STMP1: variants seen among roughly 807,000 people sequenced by gnomAD.
The protein encoded by STMP1 is mitolamban.
A neutral mutation model predicts 7.0 loss-of-function variants in STMP1; 7 were observed. That is an observed-to-expected ratio of 1.01 (90% CI 0.57 to 1.89). The LOEUF (loss-of-function observed/expected upper bound fraction) is 1.89. STMP1 is among the 40% of genes most tolerant of loss of function. The pLI is 0.00. For missense variants in STMP1, 45 were observed against 53.0 expected (o/e 0.85, Z 0.47); for synonymous variants, 19 against 18.4 (o/e 1.03, Z -0.08).
At chr7:135,672,340 A>G (rs1020001798) in intron 1 of STMP1, among the ~76,000 whole-genome samples, 1 of 152,264 alleles carries the variant, frequency 6.6e-6, no homozygotes, top group Non-Finnish European at 1.5e-5. Flanking sequence ...AACAATATCC[A>G]TAACCAAAAA....
intron 1 of STMP1, 60 bp downstream of exon 1, chr7:135,662,654 C>G: frequency 6.5e-7 from 1 of 1,531,228 alleles, no homozygotes; most frequent in East Asian, 2.6e-5. Context: ...GACCCCATTT[C>G]CCCCTTGAGG....
At chr7:135,664,569 A>G (rs921174674) in intron 1 of STMP1, among the ~76,000 whole-genome samples, 1 of 151,872 alleles carries the variant, frequency 6.6e-6, no homozygotes, top group Admixed American at 6.6e-5. Flanking sequence ...GGCCTCCCAC[A>G]GTGTTGGGAT....
chr7:135,664,556 C>G (rs1054813790), intron 1 of STMP1, among the ~76,000 whole-genome samples: 2 of 151,920 alleles, frequency 1.3e-5, no homozygotes. Context: ...CAGGTCTTGC[C>G]TAGGCCTCCC....
chr7:135,662,616 C>T (rs1188295244), intron 1 of STMP1, 22 bp downstream of exon 1: 2 of 1,545,444 alleles, frequency 1.3e-6, no homozygotes, highest in South Asian at 1.2e-5. Flanking sequence ...TGCCGAAGAG[C>T]GGGGCCCGCT....
At chr7:135,673,949 C>A in intron 2 of STMP1, 142 bp from the exon 3 acceptor site, 1 of 638,038 alleles carries the variant, frequency 1.6e-6, no homozygotes, top group Non-Finnish European at 2.7e-6. Flanking sequence ...AAAAAGAAAG[C>A]AAAAAGAAAT....
chr7:135,675,070 T>G lies in STMP1; in HGVS notation c.*905T>G, dbSNP rs1203702847. On this transcript the variant is annotated 3_prime_UTR_variant, in exon 3 of 3. Transcript: ENST00000507606. ...GAAGAATTTCTGCTTCTCTTTGTAG[T>G]TGATGCTTTGTTTTTTCCTGCAGTC... 2 of 152,202 alleles carry G rather than the reference T, an allele frequency of 1.3e-5. No individual in the cohort carries two copies. Among genetic ancestry groups the G allele is most frequent in the African/African-American group, 4.8e-5 (2 of 41,458 alleles). 9.4% of individuals were successfully genotyped at this position (152,202 alleles called of 1,614,324 possible). A position where few individuals can be genotyped will look rare whatever the true frequency, so the allele number is the denominator to read the frequency against.
chr7:135,673,307 A>G (rs1464089100), intron 2 of STMP1: 1 of 156,018 alleles, frequency 6.4e-6, no homozygotes, highest in African/African-American at 2.4e-5. Flanking sequence ...ACCTCACTTT[A>G]TAGGTGGTGA....
Position 135,674,323 on chromosome 7 carries a change from G to A in STMP1, c.*158G>A, listed in dbSNP as rs1282871733. 8.7e-6 allele frequency: 5 copies of A among 576,192 alleles called. No homozygotes were observed. Among genetic ancestry groups the A allele is most frequent in the South Asian group, 2.6e-5 (1 of 37,976 alleles). 35.7% of individuals were successfully genotyped at this position (576,192 alleles called of 1,614,324 possible). A position where few individuals can be genotyped will look rare whatever the true frequency, so the allele number is the denominator to read the frequency against. On this transcript the variant is annotated 3_prime_UTR_variant, in exon 3 of 3. Coordinates refer to ENST00000507606, the MANE Select transcript of STMP1 (RefSeq NM_001130929.2). ...TTTGCTTTAAAGCAAGCAAAATGGG[G>A]CCCCAATTTGAGAACTACCCGACAT...
In STMP1 at chr7:135,674,041, A is replaced by C. The variant is rs766218090; in HGVS notation, c.70-50A>C. The C allele has an allele frequency of 5.1e-6, 6 of 1,167,516 alleles. No individual in the cohort carries two copies. The South Asian group carries it at 8.4e-5, about 16-fold the overall frequency. The allele number at this position is 1,167,516 out of a possible 1,614,324, so 72.3% of individuals were successfully genotyped here. On this transcript the variant is annotated intron_variant, in intron 2 of 2. Transcript: ENST00000507606. ...TCTTTGGAGGAAGAGAAGTACAAGAATATTGATTAGGTAGATGCAAAATTA... is the reference window on the plus strand; with the variant it reads ...TCTTTGGAGGAAGAGAAGTACAAGACTATTGATTAGGTAGATGCAAAATTA...
chr7:135,665,787 G>A (rs189192878), intron 1 of STMP1: 102 of 152,140 alleles, frequency 6.7e-4, no homozygotes, highest in African/African-American at 2.4e-3. Context: ...TTCCTTAATC[G>A]TAAGGTTTAG....
intron 2 of STMP1, among the ~76,000 whole-genome samples, chr7:135,673,818 T>G (rs111891140): frequency 0.031 from 4,728 of 152,138 alleles, 253 homozygotes; most frequent in African/African-American, 0.1. Flanking sequence ...ATGTCCGTGG[T>G]CCCAACTACT....
intron 1 of STMP1, among the ~76,000 whole-genome samples, chr7:135,669,045 T>C (rs923681354): frequency 6.6e-6 from 1 of 152,230 alleles, no homozygotes; most frequent in African/African-American, 2.4e-5. Flanking sequence ...CTTACATGGA[T>C]GGCAGCAGAC....
intron 1 of STMP1, among the ~76,000 whole-genome samples, chr7:135,668,865 G>C (rs1439641223): frequency 1.3e-5 from 2 of 152,136 alleles, no homozygotes; most frequent in East Asian, 3.8e-4. Flanking sequence ...TCCACATTCA[G>C]TTTTCTTCGC....
rs140013141 is a variant in STMP1, at chr7:135,668,896, T to C, written c.16-3857T>C. ...TTCGCATTTCCTTTACCAGTTGTAT[T>C]AGTCCATTTTCACACTGCTGATAAA... On this transcript the variant is annotated intron_variant, in intron 1 of 2. Transcript: ENST00000507606. 1.0e-3 allele frequency among the ~76,000 whole-genome samples: 158 copies of C among 152,346 alleles called. 1 individual carries two copies. Among genetic ancestry groups the C allele is most frequent in the African/African-American group, 3.7e-3 (155 of 41,574 alleles).
chr7:135,664,226 T>C (rs1054461439), intron 1 of STMP1, among the ~76,000 whole-genome samples: 2 of 152,218 alleles, frequency 1.3e-5, no homozygotes, highest in African/African-American at 4.8e-5. Flanking sequence ...TTGAGCTGCT[T>C]ACTATATCTG....
At chr7:135,662,702 A>C in intron 1 of STMP1, 108 bp downstream of exon 1, 2 of 1,332,024 alleles carry the variant, frequency 1.5e-6, no homozygotes, top group South Asian at 2.9e-5. Context: ...GCGTGGGTCC[A>C]GCGGTCCCTT....
chr7:135,672,462 T>C (rs192828803), intron 1 of STMP1, among the ~76,000 whole-genome samples: 4 of 152,184 alleles, frequency 2.6e-5, no homozygotes, highest in African/African-American at 9.7e-5. Context: ...GAATTTAGGG[T>C]AGCTTTATAC....
In STMP1 at chr7:135,662,540, T is replaced by C; in HGVS notation, c.-40T>C. On this transcript the variant is annotated 5_prime_UTR_variant, in exon 1 of 3. Transcript: ENST00000507606. ...GGCTCGGACCGGCCCGCGGAGCTGC[T>C]GCAGTCCTTCGCGCCCTCCTCGCCC... 2 of 1,543,902 alleles carry C rather than the reference T, an allele frequency of 1.3e-6. No homozygotes were observed. The highest frequency in any genetic ancestry group is 1.7e-6 in the Non-Finnish European group (2 of 1,144,110).
At chr7:135,662,725 C>A in intron 1 of STMP1, 131 bp downstream of exon 1, 2 of 1,071,416 alleles carry the variant, frequency 1.9e-6, no homozygotes, top group Non-Finnish European at 1.3e-6. Flanking sequence ...TCCCCCGCGC[C>A]TGGTCGTCGC....
Sources: allele counts gnomAD v4.1 joint callset (sites outside exome capture counted in the v4.1 genomes callset), GRCh38; gene constraint gnomAD v4.1.1; transcripts MANE v1.5; gene names NCBI Gene and HGNC (gene_info 2026-07-23, HGNC 2026-07-21).